SUPT20H: variants seen among roughly 807,000 people sequenced by gnomAD.
SUPT20H encodes the protein transcription factor SPT20 homolog.
A neutral mutation model predicts 122.8 loss-of-function variants in SUPT20H; 82 were observed. The ratio of observed to expected loss-of-function variants is 0.67; its 90% CI spans 0.56 to 0.80. The LOEUF (loss-of-function observed/expected upper bound fraction) is 0.80. Ranked by LOEUF, SUPT20H falls within the 30% of genes least tolerant of loss-of-function variation. The probability of loss-of-function intolerance (pLI) is 0.00; values close to 1 mark genes in which losing one functional copy is unlikely to be tolerated. For synonymous variants in SUPT20H, 291 were observed against 313.0 expected (o/e 0.93, Z 0.74); for missense variants, 831 against 921.6 (o/e 0.90, Z 1.27).
Position 37,059,637 on chromosome 13 carries a change from C to A in SUPT20H, c.-172G>T, listed in dbSNP as rs1451604484. On this transcript the variant is annotated 5_prime_UTR_variant, in exon 1 of 26. Coordinates refer to ENST00000350612, the MANE Select transcript of SUPT20H (RefSeq NM_001014286.3). Reference sequence around the variant, plus strand: ...CAAAGCCCACCCGCCCCGTCGGCGGCTCAGTGCTGCACCCCCACCAACAGC... The same window carrying A: ...CAAAGCCCACCCGCCCCGTCGGCGGATCAGTGCTGCACCCCCACCAACAGC... 6 of 152,312 alleles carry A rather than the reference C, an allele frequency of 3.9e-5. No individual in the cohort carries two copies. Among genetic ancestry groups the A allele is most frequent in the Non-Finnish European group, 8.8e-5 (6 of 68,082 alleles). The allele number at this position is 152,312 out of a possible 1,614,324, so 9.4% of individuals were successfully genotyped here.
intron 11 of SUPT20H, 37 bp from the exon 12 acceptor site, chr13:37,031,660 A>T: frequency 6.5e-7 from 1 of 1,543,080 alleles, no homozygotes; most frequent in South Asian, 1.3e-5. Context: ...AAAATTAAAA[A>T]CAATATAAAT....
At chr13:37,018,945 G>A (rs2061001235) in intron 22 of SUPT20H, among the ~76,000 whole-genome samples, 1 of 151,984 alleles carries the variant, frequency 6.6e-6, no homozygotes, top group African/African-American at 2.4e-5. Context: ...AACCATGTAC[G>A]GCCCACATAC....
At chr13:37,014,170 A>G (rs373135519) in intron 23 of SUPT20H, among the ~76,000 whole-genome samples, 2 of 152,272 alleles carry the variant, frequency 1.3e-5, no homozygotes, top group East Asian at 3.9e-4. Flanking sequence ...TACCAGAGAT[A>G]AAGAAGGTCA....
intron 22 of SUPT20H, among the ~76,000 whole-genome samples, chr13:37,018,911 A>T (rs1284214160): frequency 6.6e-6 from 1 of 152,108 alleles, no homozygotes; most frequent in African/African-American, 2.4e-5. Context: ...GGTCTCCCAA[A>T]GTGGTGGGAT....
In SUPT20H at chr13:37,028,208, T is replaced by C. The variant is rs1327161885; in HGVS notation, c.1091A>G (p.Tyr364Cys). The change falls in exon 14 of 26, where the codon TAT becomes TGT. Residue 364 changes from tyrosine to cysteine, a missense_variant. Coordinates refer to ENST00000350612, the MANE Select transcript of SUPT20H (RefSeq NM_001014286.3). ...ILQSLGDPLY[Y>C]GKIQPCKADE... ...TGCTTTACATGGCTGTATTTTACCA[T>C]AGTAAAGTGGATCTCCAAGCGACTG... 6.2e-7 allele frequency: 1 copy of C among 1,613,672 alleles called. No homozygotes were observed. Among genetic ancestry groups the C allele is most frequent in the South Asian group, 1.1e-5 (1 of 91,046 alleles).
chr13:37,010,454 T>G, intron 25 of SUPT20H, 98 bp downstream of exon 25: 3 of 1,127,006 alleles, frequency 2.7e-6, no homozygotes, highest in Non-Finnish European at 3.9e-6. Flanking sequence ...CTGTACAGTC[T>G]TAAAAGACAG....
intron 5 of SUPT20H, chr13:37,046,881 C>G (rs139079775): frequency 6.6e-6 from 1 of 152,186 alleles, no homozygotes; most frequent in Admixed American, 6.5e-5. Context: ...TAAAGTTAGA[C>G]ACTACTGGAA....
chr13:37,034,438 T>C (rs1324748688), intron 9 of SUPT20H, among the ~76,000 whole-genome samples: 1 of 152,212 alleles, frequency 6.6e-6, no homozygotes, highest in Non-Finnish European at 1.5e-5. Flanking sequence ...GTTGCAACAT[T>C]TCCTTAAGCC....
intron 10 of SUPT20H, 46 bp downstream of exon 10, chr13:37,033,403 A>G (rs758489222): frequency 1.3e-6 from 2 of 1,591,140 alleles, no homozygotes; most frequent in Non-Finnish European, 8.6e-7. Flanking sequence ...AGCAAAATTT[A>G]TAGCTACTTG....
At chr13:37,050,627 G>C (rs1423854717) in intron 2 of SUPT20H, among the ~76,000 whole-genome samples, 1 of 152,096 alleles carries the variant, frequency 6.6e-6, no homozygotes, top group African/African-American at 2.4e-5. Context: ...TTCATCTTCT[G>C]AAATTAAAAC....
intron 5 of SUPT20H, among the ~76,000 whole-genome samples, chr13:37,046,134 TATATC>T (rs1240701945): frequency 6.6e-6 from 1 of 152,060 alleles, no homozygotes; most frequent in African/African-American, 2.4e-5. Context: ...ATATTAAACA[TATATC>T]ATACACACAT....
intron 22 of SUPT20H, among the ~76,000 whole-genome samples, chr13:37,018,488 C>T (rs1187469073): frequency 6.6e-6 from 1 of 152,064 alleles, no homozygotes; most frequent in Non-Finnish European, 1.5e-5. Flanking sequence ...TCCTGAATAC[C>T]AGGGTGGCTG....
At chr13:37,025,262 T>A in intron 17 of SUPT20H, 58 bp downstream of exon 17, 1 of 1,391,758 alleles carries the variant, frequency 7.2e-7, no homozygotes, top group East Asian at 2.3e-5. Context: ...ATTCTTAACA[T>A]TTCTCAGATT....
At position 37,033,555 on chromosome 13, in the gene SUPT20H, G is replaced by T. The variant is rs2063788095; in HGVS notation, c.601C>A (p.Leu201Ile). 1 of 1,613,358 alleles carries T rather than the reference G, an allele frequency of 6.2e-7. No individual in the cohort carries two copies. Among genetic ancestry groups the T allele is most frequent in the Non-Finnish European group, 8.5e-7 (1 of 1,179,660 alleles). Residue 201 changes from leucine to isoleucine, a missense_variant, in exon 10 of 26, where the codon CTA becomes ATA. Leu to Ile is a conservative substitution (Grantham distance 5). Transcript: ENST00000350612. ...DKLLLESQLI[L>I]ATAEPLCLDP... ...AGACAGAGTGGTTCAGCTGTAGCTA[G>T]GATGAGCTGGCTCTCAAGCAAAAGT...
Position 37,029,797 on chromosome 13 carries a change from C to T in SUPT20H, c.961G>A (p.Asp321Asn). ...YAKVEKSIKSDDSQPTVWPAH... is the reference protein window; with the variant it reads ...YAKVEKSIKSNDSQPTVWPAH... ...GGCCAGACTGTTGGCTGTGAGTCAT[C>T]AGATTTGATAGACTTTTCCACTTTA... is the stretch of plus-strand genomic sequence containing the variant. The change falls in exon 13 of 26, where the codon GAT becomes AAT. Residue 321 changes from aspartate to asparagine, a missense_variant. Transcript: ENST00000350612. 1.9e-6 allele frequency: 3 copies of T among 1,601,476 alleles called. No individual in the cohort carries two copies. In the East Asian group the frequency reaches 6.8e-5, roughly 36 times the overall value.
Position 37,009,589 on chromosome 13 carries a change from A to T in SUPT20H, c.*83T>A, listed in dbSNP as rs1310602650. The T allele has an allele frequency of 6.6e-7, 1 of 1,526,656 alleles. No homozygotes were observed. The highest frequency in any genetic ancestry group is 1.4e-5 in the African/African-American group (1 of 72,946). The allele number at this position is 1,526,656 out of a possible 1,614,324, so 94.6% of individuals were successfully genotyped here. A position where few individuals can be genotyped will look rare whatever the true frequency, so the allele number is the denominator to read the frequency against. ...TAGCAATGTAAAATACTGACACATT[A>T]AAAAAAACAAAAAGTAGAAACTCAA... is the stretch of plus-strand genomic sequence containing the variant. On this transcript the variant is annotated 3_prime_UTR_variant, in exon 26 of 26. Transcript: ENST00000350612.
chr13:37,030,733 C>T (rs764281685), intron 12 of SUPT20H, among the ~76,000 whole-genome samples: 16 of 152,128 alleles, frequency 1.1e-4, no homozygotes, highest in Non-Finnish European at 1.6e-4. Context: ...GCTTGTCCTC[C>T]AAAGCTAAAT....
intron 1 of SUPT20H, among the ~76,000 whole-genome samples, chr13:37,058,417 A>G (rs2139607195): frequency 6.6e-6 from 1 of 152,314 alleles, no homozygotes; most frequent in South Asian, 2.1e-4. Context: ...GTGAACGTGA[A>G]AATTTTCTGA....
chr13:37,023,991 A>G, intron 19 of SUPT20H, 44 bp downstream of exon 19: 1 of 1,566,114 alleles, frequency 6.4e-7, no homozygotes. Context: ...ACACTAATGC[A>G]AAAGCTTATG....
Sources: gnomAD v4.1 joint callset for allele counts (sites outside exome capture counted in the v4.1 genomes callset) on GRCh38, gnomAD v4.1.1 for gene constraint, MANE v1.5 for transcripts, NCBI Gene and HGNC (gene_info 2026-07-23, HGNC 2026-07-21) for gene names.